The following PCDHGA4 variants were observed in gnomAD, a reference collection of about 807,000 sequenced individuals.
The protein encoded by PCDHGA4 is protocadherin gamma subfamily A, 4.
A neutral mutation model predicts 54.6 loss-of-function variants in PCDHGA4; 38 were observed. The observed-to-expected ratio is 0.70, with a 90% CI of 0.54 to 0.91. The LOEUF (loss-of-function observed/expected upper bound fraction) is 0.91. Among genes scored for constraint, PCDHGA4 ranks in the 40% least tolerant of loss-of-function variants. PCDHGA4 has a pLI of 0.00. For missense variants in PCDHGA4, 1,298 were observed against 1,220.9 expected, an observed-to-expected ratio of 1.06 and a Z score of -0.94; for synonymous variants, 511 against 512.9, an observed-to-expected ratio of 1.00 and a Z score of 0.05.
chr5:141,432,991 C>T lies in PCDHGA4; in HGVS notation c.2515-61816C>T. ...CGGCGTCGCACTTTGTGGGCGTGGA[C>T]GGGGTGCAGGCTTTCCTGCAGACCT... is the stretch of plus-strand genomic sequence containing the variant. On this transcript the variant is annotated intron_variant, in intron 1 of 3. Coordinates refer to ENST00000571252, the MANE Select transcript of PCDHGA4 (RefSeq NM_018917.4). This position sits in a 1 kb window ranked among gnomAD's most constrained non-coding sequence, Gnocchi z 6.0. 6.2e-7 allele frequency: 1 copy of T among 1,614,200 alleles called. No individual in the cohort carries two copies. The highest frequency in any genetic ancestry group is 8.5e-7 in the Non-Finnish European group (1 of 1,180,030).
chr5:141,356,163 C>T lies in PCDHGA4; in HGVS notation c.1056C>T (p.Ala352=), dbSNP rs746934600. The change falls in exon 1 of 4, where the codon GCC becomes GCT. Residue 352 remains alanine (A), a synonymous_variant. Coordinates refer to ENST00000571252, the MANE Select transcript of PCDHGA4 (RefSeq NM_018917.4). ...DSGFYDIDVE[A]HDGPGLRARS... ...GATTCTATGACATAGATGTAGAAGC[C>T]CATGATGGGCCTGGTCTCCGAGCTA... The T allele has an allele frequency of 2.8e-5, 45 of 1,613,048 alleles. No homozygotes were observed. The highest frequency in any genetic ancestry group is 3.8e-5 in the Non-Finnish European group (45 of 1,179,446).
chr5:141,439,150 G>A (rs971023726), intron 1 of PCDHGA4, among the ~76,000 whole-genome samples: 7 of 149,122 alleles, frequency 4.7e-5, no homozygotes, highest in South Asian at 2.1e-4. Flanking sequence ...CTGAGATCAC[G>A]CCACTGCACT....
chr5:141,428,238 G>A lies in PCDHGA4; in HGVS notation c.2515-66569G>A, dbSNP rs775703660. On this transcript the variant is annotated intron_variant, in intron 1 of 3. Transcript: ENST00000571252. ...TAGTCTTCGCAGACAGCCTGCAGGA[G>A]GCACTGCCAGACTTCAGTGACAGTC... 1.0e-5 allele frequency: 10 copies of A among 998,180 alleles called. No individual in the cohort carries two copies. The South Asian group carries it at 1.3e-4, about 13-fold the overall frequency. The allele number at this position is 998,180 out of a possible 1,614,324, so 61.8% of individuals were successfully genotyped here. A position where few individuals can be genotyped will look rare whatever the true frequency, so the allele number is the denominator to read the frequency against.
rs751047365 is a variant in PCDHGA4 at position 141,419,570 on chromosome 5, G to C, written c.2514+61949G>C. On this transcript the variant is annotated intron_variant, in intron 1 of 3. Transcript: ENST00000571252. ...GCTGTACCCTGCGCTGGGTCCCGAC[G>C]GCTCCGCGCTCTTCGACACAGTGCC... 5.6e-6 allele frequency: 9 copies of C among 1,611,766 alleles called. No individual in the cohort carries two copies. The South Asian group carries it at 8.8e-5, about 16-fold the overall frequency.
intron 1 of PCDHGA4, chr5:141,404,805 C>T (rs770534822): frequency 1.7e-5 from 28 of 1,613,842 alleles, no homozygotes; most frequent in Admixed American, 6.7e-5. Context: ...GGGCTCTTCT[C>T]GGTGGGGCTG....
At chr5:141,421,455 C>T (rs762490406) in intron 1 of PCDHGA4, 7 of 1,614,108 alleles carry the variant, frequency 4.3e-6, no homozygotes, top group Non-Finnish European at 4.2e-6. Flanking sequence ...CACAGCTTTT[C>T]GCTGTGAATC....
intron 1 of PCDHGA4, among the ~76,000 whole-genome samples, chr5:141,439,132 G>C (rs1180893484): frequency 6.6e-6 from 1 of 151,054 alleles, no homozygotes; most frequent in African/African-American, 2.4e-5. Context: ...GACAGAGGTT[G>C]CAGTGAGCTG....
Position 141,432,093 on chromosome 5 carries a change from CCAACGA to C in PCDHGA4, c.2515-62709_2515-62704del. 1.2e-6 allele frequency: 2 copies of C among 1,614,170 alleles called. No individual in the cohort carries two copies. The highest frequency in any genetic ancestry group is 1.7e-6 in the Non-Finnish European group (2 of 1,180,046). On this transcript the variant is annotated intron_variant, in intron 1 of 3. Coordinates refer to ENST00000571252, the MANE Select transcript of PCDHGA4 (RefSeq NM_018917.4). The surrounding 1 kb of genome is among the most constrained non-coding windows in gnomAD (Gnocchi z 6.0). ...CATATCTCGCTGAACGTGGCAGACA[CCAACGA>C]CAACCCGCCGGTCTTCCCTCAGGCC...
At chr5:141,396,767 G>C (rs900685366) in intron 1 of PCDHGA4, 1 of 152,220 alleles carries the variant, frequency 6.6e-6, no homozygotes, top group African/African-American at 2.4e-5. Context: ...ATAAATGTTT[G>C]TTATTAATGA....
At chr5:141,397,943 C>T in intron 1 of PCDHGA4, 1 of 892,874 alleles carries the variant, frequency 1.1e-6, no homozygotes, top group South Asian at 1.8e-5. Flanking sequence ...GCGCGCTTTC[C>T]AGGGCAGCCC....
At chr5:141,412,424 C>G (rs1383441983) in intron 1 of PCDHGA4, 1 of 152,136 alleles carries the variant, frequency 6.6e-6, no homozygotes, top group Non-Finnish European at 1.5e-5. Flanking sequence ...ATGTTTTACA[C>G]AAAAAGGTTA....
In PCDHGA4 at chr5:141,375,801, C is replaced by T; in HGVS notation, c.2514+18180C>T. ...CCCGCCCTCCCCACAGACGGTTCCA[C>T]TGGCGTGGAGCTGGCGCCCCGCTCC... On this transcript the variant is annotated intron_variant, in intron 1 of 3. Transcript: ENST00000571252. The T allele has an allele frequency of 2.5e-6, 4 of 1,614,248 alleles. No homozygotes were observed. The East Asian group carries it at 8.9e-5, about 36-fold the overall frequency.
In PCDHGA4 at chr5:141,472,980, C is replaced by CAAAA. The variant is rs60579131; in HGVS notation, c.2515-21813_2515-21810dup. ...CAGCCTGGGGAACAAGAGTGAAACT[C>CAAAA]AAAAAAAAAAAAAAAAAGAAAGAAA... On this transcript the variant is annotated intron_variant, in intron 1 of 3. Transcript: ENST00000571252. 5.5e-3 allele frequency among the ~76,000 whole-genome samples: 472 copies of CAAAA among 85,978 alleles called. 4 individuals carry two copies. The highest frequency in any genetic ancestry group is 0.013 in the Admixed American group (104 of 8,158). The allele number at this position is 85,978 out of a possible 152,430, so 56.4% of individuals were successfully genotyped here. A position where few individuals can be genotyped will look rare whatever the true frequency, so the allele number is the denominator to read the frequency against.
chr5:141,394,073 C>T (rs762892708), intron 1 of PCDHGA4: 14 of 1,613,718 alleles, frequency 8.7e-6, no homozygotes, highest in Non-Finnish European at 1.1e-5. Flanking sequence ...TCTACAATAT[C>T]ACAGTGATGG....
Position 141,355,296 on chromosome 5 carries a change from C to T in PCDHGA4, c.189C>T (p.Leu63=), listed in dbSNP as rs1330952446. Residue 63 remains leucine, a synonymous_variant, in exon 1 of 4, where the codon CTC becomes CTT. Coordinates refer to ENST00000571252, the MANE Select transcript of PCDHGA4 (RefSeq NM_018917.4). The stretch of plus-strand genomic sequence containing the variant: ...TGGAAATCAGGGCCGAACAGATTCT[C>T]TACTCGGTGTTTGAGGAGCAGGAAG... The part of the protein sequence containing the change: ...VLVEIRAEQI[L]YSVFEEQEEG... 5 of 1,613,794 alleles carry T rather than the reference C, an allele frequency of 3.1e-6. No homozygotes were observed. The highest frequency in any genetic ancestry group is 4.2e-6 in the Non-Finnish European group (5 of 1,179,914).
intron 1 of PCDHGA4, chr5:141,441,910 G>A: frequency 2.9e-6 from 1 of 349,440 alleles, no homozygotes; most frequent in Non-Finnish European, 5.5e-6. Flanking sequence ...AGACGCAGAT[G>A]TGAGACACAA....
chr5:141,422,150 T>A (rs773805631), intron 1 of PCDHGA4: 1 of 1,577,174 alleles, frequency 6.3e-7, no homozygotes, highest in Non-Finnish European at 8.6e-7. Context: ...CGGGGGTCTC[T>A]GGATTTTGAA....
intron 1 of PCDHGA4, among the ~76,000 whole-genome samples, chr5:141,460,914 A>G (rs62379191): frequency 4.9e-5 from 6 of 122,236 alleles, no homozygotes; most frequent in Non-Finnish European, 5.2e-5. Context: ...TCCATGGTGT[A>G]TATATATATA....
intron 1 of PCDHGA4, chr5:141,408,120 C>T (rs1375123891): frequency 3.4e-6 from 5 of 1,475,704 alleles, no homozygotes. Flanking sequence ...TCCTCCTGTC[C>T]TGGGCCGAAT....
Sources: allele counts gnomAD v4.1 joint callset (sites outside exome capture counted in the v4.1 genomes callset), GRCh38; gene constraint gnomAD v4.1.1; non-coding constraint Gnocchi (gnomAD v3.1); transcripts MANE v1.5; gene names NCBI Gene and HGNC (gene_info 2026-07-23, HGNC 2026-07-21).